Variants in DAP observed in about 807,000 individuals in gnomAD.
DAP encodes death associated protein.
Under a neutral mutation model 13.8 loss-of-function variants are expected in DAP, and 8 were observed. The observed-to-expected ratio is 0.58, with a 90% confidence interval of 0.34 to 1.05. DAP has a LOEUF of 1.05. Ranked by LOEUF, DAP falls within the 50% of genes least tolerant of loss-of-function variation. DAP has a pLI of 0.03. For synonymous variants in DAP, 47 were observed against 47.5 expected (o/e 0.99, Z 0.04); for missense variants, 106 against 133.2 (o/e 0.80, Z 1.01).
intron 3 of DAP, 190 bp downstream of exon 3, chr5:10,683,339 C>T (rs1003700754): frequency 1.6e-5 from 11 of 689,232 alleles, no homozygotes; most frequent in Admixed American, 1.0e-4. Flanking sequence ...GTAAAGGATG[C>T]GAGTCTGGCC....
chr5:10,736,121 T>C (rs1478068084), intron 2 of DAP, among the ~76,000 whole-genome samples: 2 of 152,172 alleles, frequency 1.3e-5, no homozygotes, highest in Non-Finnish European at 2.9e-5. Flanking sequence ...AGCCAAGCAC[T>C]ATCAGAAGCT....
intron 1 of DAP, among the ~76,000 whole-genome samples, chr5:10,759,688 T>G (rs1740289272): frequency 1.3e-5 from 2 of 150,118 alleles, no homozygotes; most frequent in South Asian, 4.2e-4. Flanking sequence ...TTCATTGTGC[T>G]GGTGCAGAGA....
At chr5:10,688,152 G>C (rs536948111) in intron 2 of DAP, among the ~76,000 whole-genome samples, 1 of 152,144 alleles carries the variant, frequency 6.6e-6, no homozygotes, top group South Asian at 2.1e-4. Flanking sequence ...CTGGCCTCAA[G>C]TGATCTACCC....
At chr5:10,698,524 G>A (rs1233194857) in intron 2 of DAP, among the ~76,000 whole-genome samples, 5 of 152,094 alleles carry the variant, frequency 3.3e-5, no homozygotes, top group South Asian at 2.1e-4. Flanking sequence ...TTTGGGTTTC[G>A]AGAAATGCAC....
chr5:10,720,546 C>G (rs1038695204), intron 2 of DAP, among the ~76,000 whole-genome samples: 2 of 152,260 alleles, frequency 1.3e-5, no homozygotes, highest in Non-Finnish European at 2.9e-5. Flanking sequence ...CACTCAGCCT[C>G]TTTCCCCAGC....
At chr5:10,700,200 G>A (rs1198401848) in intron 2 of DAP, among the ~76,000 whole-genome samples, 1 of 152,180 alleles carries the variant, frequency 6.6e-6, no homozygotes, top group Non-Finnish European at 1.5e-5. Flanking sequence ...ACTTTGAGGC[G>A]CTATGTACAC....
intron 2 of DAP, among the ~76,000 whole-genome samples, chr5:10,735,415 G>C (rs1290973815): frequency 1.3e-5 from 2 of 152,154 alleles, no homozygotes; most frequent in Non-Finnish European, 2.9e-5. Flanking sequence ...CATCTCAAGG[G>C]TATCTGGACC....
chr5:10,681,773 A>G (rs1192443704), intron 3 of DAP, among the ~76,000 whole-genome samples: 1 of 151,106 alleles, frequency 6.6e-6, no homozygotes, highest in Non-Finnish European at 1.5e-5. Flanking sequence ...GCCCCAGGAC[A>G]GCGCCCAACA....
At position 10,722,573 on chromosome 5, in the gene DAP, CATACATATATATACATAT is replaced by C. The variant is rs1421924967; in HGVS notation, c.152+25584_152+25601del. On this transcript the variant is annotated intron_variant, in intron 2 of 3. Transcript: ENST00000230895. ...ACATATACATGCATATATATACATA[CATACATATATATACATAT>C]ATACATATATATACATATATACACA... Among the ~76,000 whole-genome samples, 445 of 146,042 alleles carry C rather than the reference CATACATATATATACATAT, an allele frequency of 3.0e-3. 3 individuals are homozygous for C. Among genetic ancestry groups the C allele is most frequent in the South Asian group, 0.011 (53 of 4,726 alleles).
At chr5:10,729,695 C>G (rs192203410) in intron 2 of DAP, among the ~76,000 whole-genome samples, 60 of 152,324 alleles carry the variant, frequency 3.9e-4, no homozygotes, top group Admixed American at 1.8e-3. Context: ...CACTCTTGAT[C>G]GTGCCTAGTT....
At chr5:10,752,377 G>T (rs530243906) in intron 1 of DAP, among the ~76,000 whole-genome samples, 1 of 152,302 alleles carries the variant, frequency 6.6e-6, no homozygotes, top group African/African-American at 2.4e-5. Flanking sequence ...TATTTATTGT[G>T]ATTGTTGTAT....
At chr5:10,709,318 A>G (rs1738781371) in intron 2 of DAP, among the ~76,000 whole-genome samples, 1 of 152,230 alleles carries the variant, frequency 6.6e-6, no homozygotes, top group African/African-American at 2.4e-5. Context: ...GAAGATGAAT[A>G]AAAGTCCGAC....
intron 1 of DAP, among the ~76,000 whole-genome samples, chr5:10,754,287 C>T (rs1368493492): frequency 6.6e-6 from 1 of 152,032 alleles, no homozygotes; most frequent in Admixed American, 6.5e-5. Context: ...AACCTTGCCC[C>T]CAGACCAAGT....
At chr5:10,731,172 G>C (rs1739448892) in intron 2 of DAP, among the ~76,000 whole-genome samples, 2 of 104,104 alleles carry the variant, frequency 1.9e-5, no homozygotes, top group South Asian at 7.5e-4. Flanking sequence ...TAGTGAGGGG[G>C]AATCTTTCTG....
chr5:10,680,693 T>G lies in DAP; in HGVS notation c.*363A>C. On this transcript the variant is annotated 3_prime_UTR_variant, in exon 4 of 4. Coordinates refer to ENST00000230895, the MANE Select transcript of DAP (RefSeq NM_004394.3). ...CAATGACTGAGGTTTTCTCCTAACCTTAATCTCATCTTCTCAAATGTGTGC... is the reference window on the plus strand; with the variant it reads ...CAATGACTGAGGTTTTCTCCTAACCGTAATCTCATCTTCTCAAATGTGTGC... The G allele has an allele frequency of 6.6e-7, 1 of 1,520,448 alleles. No homozygotes were observed. The highest frequency in any genetic ancestry group is 8.8e-7 in the Non-Finnish European group (1 of 1,134,272). 94.2% of individuals were successfully genotyped at this position (1,520,448 alleles called of 1,614,324 possible). A position where few individuals can be genotyped will look rare whatever the true frequency, so the allele number is the denominator to read the frequency against.
At chr5:10,705,330 T>A (rs972338747) in intron 2 of DAP, among the ~76,000 whole-genome samples, 8 of 152,232 alleles carry the variant, frequency 5.3e-5, no homozygotes, top group Non-Finnish European at 8.8e-5. Flanking sequence ...GAAAGAGTTT[T>A]ACCTCGGAGG....
chr5:10,694,071 C>A (rs536418309), intron 2 of DAP, among the ~76,000 whole-genome samples: 2 of 151,984 alleles, frequency 1.3e-5, no homozygotes, highest in African/African-American at 2.4e-5. Context: ...TCAGTCGGGT[C>A]GTCTGAGATC....
At position 10,681,062 on chromosome 5, in the gene DAP, G is replaced by C; in HGVS notation, c.303C>G (p.Arg101=). 6.3e-7 allele frequency: 1 copy of C among 1,594,034 alleles called. No individual in the cohort carries two copies. Among genetic ancestry groups the C allele is most frequent in the Non-Finnish European group, 8.6e-7 (1 of 1,169,236 alleles). The change falls in exon 4 of 4, where the codon CGC becomes CGG. Residue 101 remains arginine, a synonymous_variant. Transcript: ENST00000230895. ...SPRTQHIQQP[R]K The stretch of plus-strand genomic sequence containing the variant: ...AGGCTGGTGGACTCCAGGCTCACTT[G>C]CGTGGCTGCTGGATGTGCTGGGTTC...
intron 1 of DAP, among the ~76,000 whole-genome samples, chr5:10,758,722 G>A (rs904444063): frequency 6.6e-6 from 1 of 152,220 alleles, no homozygotes; most frequent in Non-Finnish European, 1.5e-5. Flanking sequence ...GAAGCGTGAA[G>A]TGATGTCTTC....
Sources: allele counts gnomAD v4.1 joint callset (sites outside exome capture counted in the v4.1 genomes callset), GRCh38; gene constraint gnomAD v4.1.1; transcripts MANE v1.5; gene names NCBI Gene and HGNC (gene_info 2026-07-23, HGNC 2026-07-21).